Variants in GSG1L2 observed in about 807,000 individuals in gnomAD.
GSG1L2 encodes germ cell-specific gene 1-like protein 2.
In GSG1L2, 15 loss-of-function variants were observed where a neutral mutation model predicts 9.0. The ratio of observed to expected loss-of-function variants is 1.67; its 90% CI spans 1.12 to 2.57. The LOEUF (loss-of-function observed/expected upper bound fraction) is 2.57. Ranked by LOEUF, GSG1L2 falls within the 30% of genes most tolerant of loss-of-function variation. The pLI is 0.00. For missense variants in GSG1L2, 286 were observed against 150.3 expected, an observed-to-expected ratio of 1.90 and a Z score of -4.72; for synonymous variants, 127 against 57.9, an observed-to-expected ratio of 2.19 and a Z score of -5.41.
At chr17:9,803,586 G>C (rs931315832) in intron 4 of GSG1L2, among the ~76,000 whole-genome samples, 1 of 152,178 alleles carries the variant, frequency 6.6e-6, no homozygotes, top group African/African-American at 2.4e-5. Flanking sequence ...GGGCTGTGTG[G>C]TGGACAAAGA....
intron 1 of GSG1L2, among the ~76,000 whole-genome samples, chr17:9,819,370 A>G (rs925155931): frequency 3.9e-5 from 6 of 152,248 alleles, no homozygotes; most frequent in African/African-American, 1.4e-4. Context: ...ATGTTGTGGT[A>G]TGAGAGAGTT....
intron 4 of GSG1L2, among the ~76,000 whole-genome samples, chr17:9,803,457 T>G (rs2066505260): frequency 6.6e-6 from 1 of 152,218 alleles, no homozygotes; most frequent in Admixed American, 6.5e-5. Flanking sequence ...CATACTGAGA[T>G]GATGGGCTAC....
intron 4 of GSG1L2, among the ~76,000 whole-genome samples, chr17:9,805,788 C>T (rs1218003998): frequency 6.6e-6 from 1 of 152,158 alleles, no homozygotes; most frequent in Non-Finnish European, 1.5e-5. Flanking sequence ...AACTGAGAAG[C>T]TAATCTGATT....
In GSG1L2 at chr17:9,820,046, C is replaced by T. The variant is rs181769646; in HGVS notation, c.310+1716G>A. Among the ~76,000 whole-genome samples the T allele has an allele frequency of 2.4e-4, 37 of 151,998 alleles. No homozygotes were observed. The highest frequency in any genetic ancestry group is 3.4e-3 in the Middle Eastern group (1 of 294). ...TGGAAGTTGCAGTGAGCTGAGATTG[C>T]GCCGTTGCAATCCAGCCTGGGCAAC... On this transcript the variant is annotated intron_variant, in intron 1 of 4. Transcript: ENST00000399363. The surrounding 1 kb of genome is among the most constrained non-coding windows in gnomAD (Gnocchi z 4.9).
At position 9,811,382 on chromosome 17, in the gene GSG1L2, A is replaced by T. The variant is rs116063420; in HGVS notation, c.311-764T>A. On this transcript the variant is annotated intron_variant, in intron 1 of 4. Transcript: ENST00000399363. Reference sequence around the variant, plus strand: ...GCCACCAGACTCATTTATGTGCTCCAGGGGGATAGATACTCTTTGTATGTG... The same window carrying T: ...GCCACCAGACTCATTTATGTGCTCCTGGGGGATAGATACTCTTTGTATGTG... Among the ~76,000 whole-genome samples the T allele has an allele frequency of 2.6e-3, 394 of 152,310 alleles. 4 individuals are homozygous for T. Among genetic ancestry groups the T allele is most frequent in the African/African-American group, 8.7e-3 (362 of 41,558 alleles).
chr17:9,807,438 G>C, intron 4 of GSG1L2, 52 bp downstream of exon 4: 1 of 701,444 alleles, frequency 1.4e-6, no homozygotes, highest in South Asian at 1.5e-5. Context: ...GTATGTTTAT[G>C]TGCATCTCTC....
At chr17:9,815,939 T>G (rs1271805188) in intron 1 of GSG1L2, among the ~76,000 whole-genome samples, 2 of 152,048 alleles carry the variant, frequency 1.3e-5, no homozygotes, top group African/African-American at 2.4e-5. Flanking sequence ...AATTAATGGG[T>G]TCTCGTGGGG....
At chr17:9,821,403 G>C (rs2066589085) in intron 1 of GSG1L2, among the ~76,000 whole-genome samples, 1 of 129,136 alleles carries the variant, frequency 7.7e-6, no homozygotes, top group South Asian at 2.3e-4. Flanking sequence ...TCAGTGACAA[G>C]AACAAACGAG....
intron 1 of GSG1L2, 181 bp from the exon 2 acceptor site, chr17:9,810,799 G>A (rs2066536235): frequency 3.4e-6 from 2 of 596,140 alleles, no homozygotes; most frequent in Non-Finnish European, 6.0e-6. Context: ...TTGGACTCTG[G>A]CTTGGCCACG....
rs2066584352 is a variant in GSG1L2, at chr17:9,820,413, G to A, written c.310+1349C>T. On this transcript the variant is annotated intron_variant, in intron 1 of 4. Coordinates refer to ENST00000399363, the MANE Select transcript of GSG1L2 (RefSeq NM_001310219.2). The surrounding 1 kb of genome is among the most constrained non-coding windows in gnomAD (Gnocchi z 4.9). ...CAGGATGCAGGGTCCTGAGACTTTTGCCTCTGTCCATGAAGGTGGGGAAGA... is the reference window on the plus strand; with the variant it reads ...CAGGATGCAGGGTCCTGAGACTTTTACCTCTGTCCATGAAGGTGGGGAAGA... 6.6e-6 allele frequency among the ~76,000 whole-genome samples: 1 copy of A among 152,174 alleles called. No homozygotes were observed. The highest frequency in any genetic ancestry group is 1.5e-5 in the Non-Finnish European group (1 of 68,028).
rs1858843995 is a variant in GSG1L2, at chr17:9,820,425, G to C, written c.310+1337C>G. Among the ~76,000 whole-genome samples the C allele has an allele frequency of 6.6e-6, 1 of 152,200 alleles. No individual in the cohort carries two copies. Among genetic ancestry groups the C allele is most frequent in the Admixed American group, 6.5e-5 (1 of 15,290 alleles). ...TCCTGAGACTTTTGCCTCTGTCCAT[G>C]AAGGTGGGGAAGAGACTCATAGGAA... On this transcript the variant is annotated intron_variant, in intron 1 of 4. Transcript: ENST00000399363. This position sits in a 1 kb window ranked among gnomAD's most constrained non-coding sequence, Gnocchi z 4.9.
intron 4 of GSG1L2, 56 bp downstream of exon 4, chr17:9,807,434 T>G: frequency 1.4e-6 from 1 of 701,156 alleles, no homozygotes; most frequent in Non-Finnish European, 2.6e-6. Context: ...ATGTGTATGT[T>G]TATGTGCATC....
At chr17:9,814,475 G>A (rs1470427576) in intron 1 of GSG1L2, among the ~76,000 whole-genome samples, 2 of 152,054 alleles carry the variant, frequency 1.3e-5, no homozygotes, top group Admixed American at 6.6e-5. Flanking sequence ...GAATAGAGAC[G>A]AGGCCAGCAC....
At chr17:9,818,374 C>T (rs558268254) in intron 1 of GSG1L2, among the ~76,000 whole-genome samples, 1 of 152,134 alleles carries the variant, frequency 6.6e-6, no homozygotes, top group African/African-American at 2.4e-5. Context: ...GCTCTTGTTG[C>T]CCAAGCTGGA....
At chr17:9,814,177 G>A (rs1195466001) in intron 1 of GSG1L2, among the ~76,000 whole-genome samples, 11 of 152,114 alleles carry the variant, frequency 7.2e-5, no homozygotes, top group Admixed American at 2.0e-4. Context: ...CTCGTGATCC[G>A]TCCGCCTCGG....
chr17:9,805,574 A>C (rs944486361), intron 4 of GSG1L2: 7 of 152,204 alleles, frequency 4.6e-5, no homozygotes, highest in East Asian at 1.9e-4. Flanking sequence ...AAAATAATTT[A>C]TCTCTCATTG....
chr17:9,805,492 G>C (rs113058585), intron 4 of GSG1L2: 1 of 152,152 alleles, frequency 6.6e-6, no homozygotes, highest in African/African-American at 2.4e-5. Context: ...AATGATTTCC[G>C]GCAGAGAATT....
intron 2 of GSG1L2, chr17:9,809,819 T>A (rs2066532518): frequency 1.3e-5 from 2 of 152,270 alleles, no homozygotes; most frequent in Non-Finnish European, 1.5e-5. Context: ...CACCATGATG[T>A]TTTGATTTTA....
At chr17:9,805,639 G>T (rs3843735) in intron 4 of GSG1L2, 96,570 of 151,968 alleles carry the variant, frequency 0.64, 31,735 homozygotes, top group African/African-American at 0.82. Flanking sequence ...GTAAACTAAA[G>T]AAGATAATTC....
Sources: gnomAD v4.1 joint callset for allele counts (sites outside exome capture counted in the v4.1 genomes callset) on GRCh38, gnomAD v4.1.1 for gene constraint, Gnocchi (gnomAD v3.1) non-coding constraint, MANE v1.5 for transcripts, NCBI Gene and HGNC (gene_info 2026-07-23, HGNC 2026-07-21) for gene names.